The following RIMS2 variants were observed in gnomAD, a reference collection of about 807,000 sequenced individuals.
RIMS2 encodes regulating synaptic membrane exocytosis protein 2.
Under a neutral mutation model 174.4 loss-of-function variants are expected in RIMS2, and 59 were observed. The ratio of observed to expected loss-of-function variants is 0.34; its 90% confidence interval spans 0.27 to 0.42. RIMS2 has a LOEUF of 0.42. RIMS2 is among the 10% of genes least tolerant of loss of function. The pLI, the probability that RIMS2 is intolerant of heterozygous loss-of-function variation, is 1.00. For missense variants in RIMS2, 1,620 were observed against 1,666.3 expected (o/e 0.97, Z 0.48); for synonymous variants, 606 against 572.5 (o/e 1.06, Z -0.84).
chr8:104,031,761 CTG>C (rs778289166), intron 19 of RIMS2, among the ~76,000 whole-genome samples: 1 of 152,070 alleles, frequency 6.6e-6, no homozygotes, highest in Non-Finnish European at 1.5e-5. Context: ...AAACACCAGT[CTG>C]AGACAGGTTT....
chr8:103,715,277 C>A (rs1158241421), intron 2 of RIMS2, among the ~76,000 whole-genome samples: 2 of 152,096 alleles, frequency 1.3e-5, no homozygotes, highest in Non-Finnish European at 2.9e-5. Context: ...AGGTATTAAG[C>A]CCAGCATGCA....
intron 19 of RIMS2, among the ~76,000 whole-genome samples, chr8:104,166,298 C>A (rs1437845392): frequency 6.6e-6 from 1 of 151,596 alleles, no homozygotes; most frequent in Non-Finnish European, 1.5e-5. Flanking sequence ...GATCTCCTGA[C>A]CTCATGATCC....
intron 1 of RIMS2, among the ~76,000 whole-genome samples, chr8:103,587,409 G>GAAGAAAGAAAGAAAGAAAGA (rs201019003): frequency 1.2e-3 from 143 of 117,148 alleles, no homozygotes; most frequent in Middle Eastern, 3.8e-3. Flanking sequence ...GAAGAAAAAA[G>GAAGAAAGAAAGAAAGAAAGA]AAGAAAGAAA....
chr8:103,606,483 T>G (rs1477754433), intron 1 of RIMS2, among the ~76,000 whole-genome samples: 2 of 152,148 alleles, frequency 1.3e-5, no homozygotes, highest in Non-Finnish European at 2.9e-5. Context: ...TTCTGTTGAT[T>G]TGTGGTGGAG....
chr8:103,760,497 G>A (rs373332891), intron 2 of RIMS2, among the ~76,000 whole-genome samples: 17 of 152,244 alleles, frequency 1.1e-4, no homozygotes, highest in African/African-American at 3.9e-4. Context: ...GCAGTGCTGG[G>A]TGAGGGCTTG....
At chr8:103,551,373 G>C (rs1050158218) in intron 1 of RIMS2, among the ~76,000 whole-genome samples, 7 of 152,162 alleles carry the variant, frequency 4.6e-5, no homozygotes, top group African/African-American at 1.4e-4. Context: ...AATAGATGCA[G>C]AAAAGGCCTT....
In RIMS2 at chr8:104,208,567, C is replaced by CA. The variant is rs1159339611; in HGVS notation, c.3335-36340dup. ...TGGGTGGCAGAGTGAGACTCCATCT[C>CA]AAAAAAAAAGAAAAAAAAAAATGAA... On this transcript the variant is annotated intron_variant, in intron 19 of 23. Transcript: ENST00000504942. 4.9e-3 allele frequency among the ~76,000 whole-genome samples: 495 copies of CA among 101,204 alleles called. 3 individuals carry two copies. The highest frequency in any genetic ancestry group is 0.017 in the African/African-American group (464 of 27,616). The allele number at this position is 101,204 out of a possible 152,430, so 66.4% of individuals were successfully genotyped here.
intron 19 of RIMS2, among the ~76,000 whole-genome samples, chr8:104,069,046 G>A (rs542192160): frequency 6.6e-5 from 10 of 152,208 alleles, no homozygotes; most frequent in Admixed American, 3.3e-4. Context: ...TGACTTTAGG[G>A]TAGTGTAAAA....
chr8:104,217,888 A>C (rs1231022427), intron 19 of RIMS2, among the ~76,000 whole-genome samples: 1 of 152,216 alleles, frequency 6.6e-6, no homozygotes, highest in East Asian at 1.9e-4. Flanking sequence ...ATGCAATGAT[A>C]TTATATTACA....
chr8:103,659,990 G>A (rs879904654), intron 1 of RIMS2, among the ~76,000 whole-genome samples: 2 of 152,222 alleles, frequency 1.3e-5, no homozygotes, highest in Non-Finnish European at 1.5e-5. Context: ...CAGAACCGGG[G>A]CCCAGGCCGC....
At chr8:103,724,432 G>A (rs2097500858) in intron 2 of RIMS2, among the ~76,000 whole-genome samples, 1 of 151,972 alleles carries the variant, frequency 6.6e-6, no homozygotes, top group African/African-American at 2.4e-5. Context: ...ACATATGCTG[G>A]AAATATTTCA....
chr8:103,598,784 T>G (rs572369806), intron 1 of RIMS2, among the ~76,000 whole-genome samples: 12 of 152,308 alleles, frequency 7.9e-5, no homozygotes, highest in African/African-American at 2.9e-4. Flanking sequence ...CAACAAATAC[T>G]TGTTCCAAAA....
chr8:104,082,597 G>GA (rs2097444353), intron 19 of RIMS2, among the ~76,000 whole-genome samples: 1 of 152,074 alleles, frequency 6.6e-6, no homozygotes, highest in South Asian at 2.1e-4. Flanking sequence ...TGTATTCGGA[G>GA]AAAAGAATGT....
intron 1 of RIMS2, among the ~76,000 whole-genome samples, chr8:103,681,577 A>G (rs1384695291): frequency 6.6e-6 from 1 of 152,078 alleles, no homozygotes; most frequent in Non-Finnish European, 1.5e-5. Context: ...CATTCTAGAC[A>G]GGCAAGAGCA....
chr8:103,847,858 A>G (rs2098975797), intron 3 of RIMS2, among the ~76,000 whole-genome samples: 1 of 152,068 alleles, frequency 6.6e-6, no homozygotes, highest in Non-Finnish European at 1.5e-5. Context: ...CATATCTGTC[A>G]GTGTGGCTTT....
chr8:103,979,519 G>T (rs1443193958), intron 16 of RIMS2, among the ~76,000 whole-genome samples: 2 of 152,164 alleles, frequency 1.3e-5, no homozygotes, highest in East Asian at 3.9e-4. Flanking sequence ...ATACCTGTGA[G>T]GGGACAAAGC....
intron 19 of RIMS2, among the ~76,000 whole-genome samples, chr8:104,026,555 A>G (rs74665978): frequency 0.017 from 2,638 of 152,328 alleles, 39 homozygotes; most frequent in Non-Finnish European, 0.028. Context: ...GATGGAAAAA[A>G]AAATTGTGTT....
chr8:104,117,192 A>G (rs1412885387), intron 19 of RIMS2, among the ~76,000 whole-genome samples: 1 of 152,070 alleles, frequency 6.6e-6, no homozygotes, highest in Admixed American at 6.6e-5. Flanking sequence ...TCAAAATAAA[A>G]CAAAACAAAA....
intron 1 of RIMS2, among the ~76,000 whole-genome samples, chr8:103,538,543 G>A (rs1840967688): frequency 6.7e-6 from 1 of 150,226 alleles, no homozygotes; most frequent in African/African-American, 2.5e-5. Context: ...TGGAGATGGA[G>A]TCTCGCTCTG....
Sources: gnomAD v4.1 joint callset for allele counts (sites outside exome capture counted in the v4.1 genomes callset) on GRCh38, gnomAD v4.1.1 for gene constraint, MANE v1.5 for transcripts, NCBI Gene and HGNC (gene_info 2026-07-23, HGNC 2026-07-21) for gene names.